SERINC5: variants seen among roughly 807,000 people sequenced by gnomAD.
SERINC5 encodes the protein chromosome 5 open reading frame 12.
A neutral mutation model predicts 63.1 loss-of-function variants in SERINC5; 41 were observed. That is an observed-to-expected ratio of 0.65 (90% CI 0.51 to 0.84). The LOEUF (loss-of-function observed/expected upper bound fraction) is 0.84, where lower values mean the gene tolerates loss of function less well. SERINC5 is among the 40% of genes least tolerant of loss of function. SERINC5 has a pLI of 0.00. For synonymous variants in SERINC5, 222 were observed against 215.2 expected, an observed-to-expected ratio of 1.03 and a Z score of -0.28; for missense variants, 523 against 573.0, an observed-to-expected ratio of 0.91 and a Z score of 0.89.
intron 11 of SERINC5, chr5:80,115,993 T>G (rs930368898): frequency 1.7e-4 from 46 of 264,350 alleles, no homozygotes; most frequent in Non-Finnish European, 3.1e-4. Flanking sequence ...GGATAGAAGA[T>G]GTTAATTCCA....
chr5:80,229,319 T>C (rs1580196410), intron 1 of SERINC5, among the ~76,000 whole-genome samples: 1 of 150,488 alleles, frequency 6.6e-6, no homozygotes, highest in East Asian at 1.9e-4. Context: ...CCACCATTCC[T>C]GGCATTTTAC....
chr5:80,256,009 C>T lies in SERINC5; in HGVS notation c.-87G>A, dbSNP rs1281444859. On this transcript the variant is annotated 5_prime_UTR_variant, in exon 1 of 12. Transcript: ENST00000507668. ...TGCCTCGCGCCTCGAGCGCTGGGCT[C>T]AGCCGCAGCTCACACTTGAACGAAG... The T allele has an allele frequency of 7.6e-7, 1 of 1,314,278 alleles. No homozygotes were observed. The highest frequency in any genetic ancestry group is 3.0e-5 in the East Asian group (1 of 33,724). The allele number at this position is 1,314,278 out of a possible 1,614,324, so 81.4% of individuals were successfully genotyped here.
intron 1 of SERINC5, among the ~76,000 whole-genome samples, chr5:80,227,850 C>CA (rs1363181588): frequency 5.9e-5 from 9 of 151,292 alleles, no homozygotes; most frequent in Non-Finnish European, 8.8e-5. Flanking sequence ...CCCTGACTTA[C>CA]AAAAAAGAAA....
intron 2 of SERINC5, among the ~76,000 whole-genome samples, chr5:80,186,430 G>T (rs1048852819): frequency 6.6e-6 from 1 of 152,082 alleles, no homozygotes; most frequent in Non-Finnish European, 1.5e-5. Context: ...GAGCCACCGC[G>T]CCCGACCTGT....
chr5:80,244,829 C>A (rs976382548), intron 1 of SERINC5, among the ~76,000 whole-genome samples: 1 of 151,892 alleles, frequency 6.6e-6, no homozygotes, highest in Non-Finnish European at 1.5e-5. Flanking sequence ...CTCAAAAAAA[C>A]AAAAACAAAC....
In SERINC5 at chr5:80,158,877, T is replaced by C. The variant is rs1561378316; in HGVS notation, c.945A>G (p.Ile315Met). 6.2e-7 allele frequency: 1 copy of C among 1,613,732 alleles called. No individual in the cohort carries two copies. Among genetic ancestry groups the C allele is most frequent in the Non-Finnish European group, 8.5e-7 (1 of 1,179,744 alleles). The change falls in exon 8 of 12, where the codon ATA becomes ATG. Residue 315 changes from isoleucine to methionine, a missense_variant. Physicochemically the swap from Ile to Met is conservative, Grantham distance 10. Coordinates refer to ENST00000507668, the MANE Select transcript of SERINC5 (RefSeq NM_001174072.3). ...ATCCGATTAAGAGGCTGGTCCCCAG[T>C]ATAGTCACCAAGTTTTCATCTCTGT... is the stretch of plus-strand genomic sequence containing the variant. ...DLYRDENLVT[I>M]LGTSLLIGCI... is the part of the protein sequence containing the mutation.
At chr5:80,171,607 T>C (rs962869776) in intron 5 of SERINC5, among the ~76,000 whole-genome samples, 9 of 152,212 alleles carry the variant, frequency 5.9e-5, no homozygotes, top group African/African-American at 2.2e-4. Flanking sequence ...CAGTAAGGTA[T>C]TGTATATTAC....
At chr5:80,199,492 C>A (rs1428106377) in intron 2 of SERINC5, among the ~76,000 whole-genome samples, 1 of 152,172 alleles carries the variant, frequency 6.6e-6, no homozygotes, top group Non-Finnish European at 1.5e-5. Flanking sequence ...CCTTTCCTAG[C>A]AACACCAGTG....
chr5:80,116,575 C>T (rs927393068), intron 11 of SERINC5, among the ~76,000 whole-genome samples: 7 of 152,082 alleles, frequency 4.6e-5, no homozygotes, highest in African/African-American at 1.7e-4. Context: ...TGGGAAGAAG[C>T]TCAGTAACTG....
intron 6 of SERINC5, 108 bp downstream of exon 6, chr5:80,169,227 G>A (rs1307939538): frequency 1.1e-6 from 1 of 874,178 alleles, no homozygotes; most frequent in Non-Finnish European, 1.8e-6. Context: ...GTAAGTTAAG[G>A]AATACACTAG....
At chr5:80,177,243 C>T in intron 4 of SERINC5, 72 bp downstream of exon 4, 1 of 1,055,200 alleles carries the variant, frequency 9.5e-7, no homozygotes, top group Non-Finnish European at 1.4e-6. Flanking sequence ...GTACTTTGGA[C>T]TGCGCTTCTG....
chr5:80,137,325 C>T (rs546289251), downstream of SERINC5, among the ~76,000 whole-genome samples: 30 of 152,042 alleles, frequency 2.0e-4, no homozygotes, highest in South Asian at 5.8e-3. Context: ...ATAGAATCAG[C>T]CCGAGTGTCC....
At chr5:80,181,814 C>T (rs952835546) in intron 2 of SERINC5, among the ~76,000 whole-genome samples, 3 of 152,126 alleles carry the variant, frequency 2.0e-5, no homozygotes, top group South Asian at 2.1e-4. Context: ...GGTTCTAACT[C>T]GTGACAAGCA....
Position 80,207,013 on chromosome 5 carries a change from T to A in SERINC5, c.28-3960A>T, listed in dbSNP as rs193071766. Among the ~76,000 whole-genome samples the A allele has an allele frequency of 6.7e-3, 1,010 of 150,250 alleles. 6 individuals are homozygous for A. Among genetic ancestry groups the A allele is most frequent in the South Asian group, 0.015 (70 of 4,758 alleles). On this transcript the variant is annotated intron_variant, in intron 1 of 11. Transcript: ENST00000507668. ...CTTCTCACTATATATATATATATAT[T>A]TTTTAGACGGAGTCTCACTCAGTCG... is the stretch of plus-strand genomic sequence containing the variant.
At position 80,203,305 on chromosome 5, in the gene SERINC5, A is replaced by G. The variant is rs149814357; in HGVS notation, c.28-252T>C. ...ATATTTATATATATTGAGACAGTCT[A>G]TATCTAATGTATATTTTATATATAC... On this transcript the variant is annotated intron_variant, in intron 1 of 11. Coordinates refer to ENST00000507668, the MANE Select transcript of SERINC5 (RefSeq NM_001174072.3). 2.6e-3 allele frequency: 425 copies of G among 162,634 alleles called. 2 individuals carry two copies. The highest frequency in any genetic ancestry group is 9.8e-3 in the African/African-American group (404 of 41,082). 10.1% of individuals were successfully genotyped at this position (162,634 alleles called of 1,614,324 possible).
chr5:80,248,876 A>T (rs1292059623), intron 1 of SERINC5, among the ~76,000 whole-genome samples: 1 of 152,234 alleles, frequency 6.6e-6, no homozygotes, highest in African/African-American at 2.4e-5. Flanking sequence ...TGACAGAAAT[A>T]TATTGTCAAT....
chr5:80,242,783 C>T (rs1008721848), intron 1 of SERINC5, among the ~76,000 whole-genome samples: 2 of 151,726 alleles, frequency 1.3e-5, no homozygotes, highest in African/African-American at 2.4e-5. Flanking sequence ...AGTAACCGGG[C>T]GTGGTGACAC....
At chr5:80,220,434 G>A (rs928911329) in intron 1 of SERINC5, among the ~76,000 whole-genome samples, 1 of 152,150 alleles carries the variant, frequency 6.6e-6, no homozygotes, top group Non-Finnish European at 1.5e-5. Flanking sequence ...AGGCCAAAGG[G>A]GTAGGCTGTT....
At position 80,255,751 on chromosome 5, in the gene SERINC5, C is replaced by G; in HGVS notation, c.27+145G>C. Reference sequence around the variant, plus strand: ...GCACAGGATTTCCCGGACGGCTGAGCGCCGCGGGGCCAGCCCGAGCGACCC... The same window carrying G: ...GCACAGGATTTCCCGGACGGCTGAGGGCCGCGGGGCCAGCCCGAGCGACCC... On this transcript the variant is annotated intron_variant, in intron 1 of 11. Transcript: ENST00000507668. 1.1e-5 allele frequency: 8 copies of G among 744,342 alleles called. 1 individual carries two copies. In the South Asian group the frequency reaches 1.4e-4, roughly 13 times the overall value. 46.1% of individuals were successfully genotyped at this position (744,342 alleles called of 1,614,324 possible).
Sources: gnomAD v4.1 joint callset for allele counts (sites outside exome capture counted in the v4.1 genomes callset) on GRCh38, gnomAD v4.1.1 for gene constraint, MANE v1.5 for transcripts, NCBI Gene and HGNC (gene_info 2026-07-23, HGNC 2026-07-21) for gene names.